Variants in SLC39A14 observed in about 807,000 individuals in gnomAD.
SLC39A14 encodes the protein metal cation symporter ZIP14.
SLC39A14 carries 19 observed loss-of-function variants against 45.5 expected under a neutral mutation model. The ratio of observed to expected loss-of-function variants is 0.42; its 90% CI spans 0.29 to 0.61. The LOEUF is 0.61. Among genes scored for constraint, SLC39A14 ranks in the 20% least tolerant of loss-of-function variants. The pLI is 0.22. For synonymous variants in SLC39A14, 264 were observed against 251.3 expected, an observed-to-expected ratio of 1.05 and a Z score of -0.48; for missense variants, 447 against 616.5, an observed-to-expected ratio of 0.73 and a Z score of 2.91.
At chr8:22,372,039 C>T (rs1003092874) in intron 1 of SLC39A14, among the ~76,000 whole-genome samples, 6 of 152,050 alleles carry the variant, frequency 3.9e-5, no homozygotes, top group Admixed American at 6.6e-5. Flanking sequence ...CACTTGCACC[C>T]GGCCCCTTTA....
In SLC39A14 at chr8:22,415,939, G is replaced by A; in HGVS notation, c.921G>A (p.Val307=). The A allele has an allele frequency of 6.2e-7, 1 of 1,606,204 alleles. No individual in the cohort carries two copies. The highest frequency in any genetic ancestry group is 8.5e-7 in the Non-Finnish European group (1 of 1,175,294). The change falls in exon 6 of 9, where the codon GTG becomes GTA. Residue 307 remains valine, a synonymous_variant. Coordinates refer to ENST00000381237, the MANE Select transcript of SLC39A14 (RefSeq NM_001128431.4). ...KAPMVDEKVI[V]GSLSVQDLQA... ...CCATGGTGGACGAGAAGGTCATTGT[G>A]GGCTCGCTCTCTGTGCAGGTCAGTG...
intron 1 of SLC39A14, among the ~76,000 whole-genome samples, chr8:22,377,924 C>T (rs543988449): frequency 6.6e-6 from 1 of 152,218 alleles, no homozygotes; most frequent in Non-Finnish European, 1.5e-5. Flanking sequence ...CGGCTATGCT[C>T]TCCCTCTCTG....
chr8:22,409,986 G>C, intron 3 of SLC39A14: 1 of 1,614,060 alleles, frequency 6.2e-7, no homozygotes, highest in Non-Finnish European at 8.5e-7. Context: ...TGATTAACCT[G>C]GCCTCTCTCC....
rs759893655 is a variant in SLC39A14 at position 22,416,118 on chromosome 8, C to T, written c.985C>T (p.Arg329Cys). 94 of 1,613,954 alleles carry T rather than the reference C, an allele frequency of 5.8e-5. No individual in the cohort carries two copies. The highest frequency in any genetic ancestry group is 1.2e-4 in the Admixed American group (7 of 59,988). Residue 329 changes from arginine to cysteine, a missense_variant, in exon 7 of 9, where the codon CGC (arginine) becomes TGC (cysteine). By Grantham distance (180) the Arg-to-Cys change is radical (BLOSUM62 -3). This residue lies in a region of SLC39A14 where 342 missense variants were observed against 428.1 expected (regional missense o/e 0.80). Transcript: ENST00000381237. The stretch of plus-strand genomic sequence containing the variant: ...TGCTTGCTACTGGCTGAAAGGTGTC[C>T]GCTACTCTGATATCGGCACTCTGGC... ...QSACYWLKGV[R>C]YSDIGTLAWM... is the part of the protein sequence containing the mutation.
chr8:22,397,405 G>A, intron 1 of SLC39A14, among the ~76,000 whole-genome samples: 1 of 152,050 alleles, frequency 6.6e-6, no homozygotes, highest in Admixed American at 6.6e-5. Context: ...AGTGAAAGCC[G>A]GTCTCTACTA....
intron 1 of SLC39A14, among the ~76,000 whole-genome samples, chr8:22,383,424 T>C (rs1833620454): frequency 6.6e-6 from 1 of 152,170 alleles, no homozygotes; most frequent in South Asian, 2.1e-4. Context: ...GTTTCACTTA[T>C]TTTACTGGAA....
chr8:22,388,084 A>G (rs1027981203), intron 1 of SLC39A14, among the ~76,000 whole-genome samples: 1 of 152,210 alleles, frequency 6.6e-6, no homozygotes. Context: ...TTAAGATCCT[A>G]CCAACCCCAC....
At chr8:22,430,989 CTCTTTTTT>C (rs71834361) in intron 8 of SLC39A14, among the ~76,000 whole-genome samples, 46,364 of 147,972 alleles carry the variant, frequency 0.31, 7,426 homozygotes, top group East Asian at 0.5. Flanking sequence ...TCCCAATTCC[CTCTTTTTT>C]TTTTTTTTTT....
intron 3 of SLC39A14, among the ~76,000 whole-genome samples, 191 bp downstream of exon 3, chr8:22,408,687 A>T (rs1027080443): frequency 6.6e-6 from 1 of 152,064 alleles, no homozygotes; most frequent in Non-Finnish European, 1.5e-5. Flanking sequence ...GGCCTAGCAC[A>T]TTGTCAGACT....
Position 22,412,445 on chromosome 8 carries a change from C to T in SLC39A14, c.627+239C>T, listed in dbSNP as rs533203607. On this transcript the variant is annotated intron_variant, in intron 4 of 8. Coordinates refer to ENST00000381237, the MANE Select transcript of SLC39A14 (RefSeq NM_001128431.4). ...AGGCACACCACTGACCTCACACTGC[C>T]TCTGTTTCTTCAGATGTGAAATGGG... 7.0e-4 allele frequency among the ~76,000 whole-genome samples: 107 copies of T among 152,194 alleles called. 2 individuals are homozygous for T. Among genetic ancestry groups the T allele is most frequent in the Non-Finnish European group, 1.0e-3 (68 of 68,044 alleles).
chr8:22,413,495 C>T lies in SLC39A14; in HGVS notation c.628-1285C>T, dbSNP rs1033055252. 5.9e-5 allele frequency among the ~76,000 whole-genome samples: 9 copies of T among 152,234 alleles called. No individual in the cohort carries two copies. The East Asian group carries it at 1.5e-3, about 26-fold the overall frequency. ...CGTTGCCTATTTTCACTTCACTTTT[C>T]CCCCAAGATGATTCGACTCCCCTGG... On this transcript the variant is annotated intron_variant, in intron 4 of 8. Transcript: ENST00000381237.
intron 1 of SLC39A14, among the ~76,000 whole-genome samples, chr8:22,402,966 G>GTATT (rs1554517714): frequency 2.7e-5 from 4 of 150,216 alleles, no homozygotes; most frequent in Non-Finnish European, 5.9e-5. Context: ...TTTAGTTATG[G>GTATT]TGTTTGTTTG....
At chr8:22,397,099 C>T (rs768012652) in intron 1 of SLC39A14, among the ~76,000 whole-genome samples, 2 of 152,036 alleles carry the variant, frequency 1.3e-5, no homozygotes, top group Non-Finnish European at 2.9e-5. Flanking sequence ...TTAAACTCTG[C>T]AAGTTTATTC....
chr8:22,405,141 A>T lies in SLC39A14; in HGVS notation c.270+161A>T, dbSNP rs2293145. The stretch of plus-strand genomic sequence containing the variant: ...TGGACAGGCTGATTCTTTCTCTCTC[A>T]TTGTCTGAATCAGCAAATTCTGAGT... On this transcript the variant is annotated intron_variant, in intron 2 of 8. Coordinates refer to ENST00000381237, the MANE Select transcript of SLC39A14 (RefSeq NM_001128431.4). Among the ~76,000 whole-genome samples the T allele has an allele frequency of 0.25, 38,074 of 152,154 alleles. 5,585 individuals are homozygous for T. The highest frequency in any genetic ancestry group is 0.51 in the East Asian group (2,645 of 5,154).
intron 1 of SLC39A14, chr8:22,390,312 T>TC (rs1833999338): frequency 6.6e-6 from 1 of 151,596 alleles, no homozygotes; most frequent in African/African-American, 2.4e-5. Context: ...GAGCATACTT[T>TC]TTTTTTTTTT....
At chr8:22,412,612 T>C (rs1314904016) in intron 4 of SLC39A14, among the ~76,000 whole-genome samples, 1 of 152,142 alleles carries the variant, frequency 6.6e-6, no homozygotes, top group South Asian at 2.1e-4. Flanking sequence ...GGCTTAGTTG[T>C]GGTGCTCAGA....
chr8:22,374,500 C>T (rs538953050), intron 1 of SLC39A14, among the ~76,000 whole-genome samples: 11 of 151,920 alleles, frequency 7.2e-5, no homozygotes, highest in South Asian at 2.1e-4. Context: ...AGCTAGGAAG[C>T]GGGAGAGAGA....
rs1022141165 is a variant in SLC39A14, at chr8:22,431,476, C to T, written c.1333-2415C>T. Among the ~76,000 whole-genome samples the T allele has an allele frequency of 2.0e-4, 30 of 152,166 alleles. 1 individual carries two copies. Among genetic ancestry groups the T allele is most frequent in the Non-Finnish European group, 1.5e-5 (1 of 68,040 alleles). On this transcript the variant is annotated intron_variant, in intron 8 of 8. Transcript: ENST00000240095. Reference sequence around the variant, plus strand: ...ATAGAAACTGACGCCAGGTTACTTTCACACAACAGTGGAAACAAGGGTTCC... The same window carrying T: ...ATAGAAACTGACGCCAGGTTACTTTTACACAACAGTGGAAACAAGGGTTCC...
chr8:22,393,798 C>G (rs1371775353), intron 1 of SLC39A14, among the ~76,000 whole-genome samples: 1 of 152,046 alleles, frequency 6.6e-6, no homozygotes, highest in Non-Finnish European at 1.5e-5. Context: ...CAGGCCTCCT[C>G]AGTAGCGGGG....
Sources: gnomAD v4.1 joint callset for allele counts (sites outside exome capture counted in the v4.1 genomes callset) on GRCh38, gnomAD v4.1.1 for gene constraint, gnomAD v4.1.1 regional missense constraint, MANE v1.5 for transcripts, NCBI Gene and HGNC (gene_info 2026-07-23, HGNC 2026-07-21) for gene names.